The following HSD17B7 variants were observed in gnomAD, a reference collection of about 807,000 sequenced individuals.
HSD17B7 encodes 3-keto-steroid reductase/17-beta-hydroxysteroid dehydrogenase 7.
A neutral mutation model predicts 34.1 loss-of-function variants in HSD17B7; 17 were observed. The ratio of observed to expected loss-of-function variants is 0.50; its 90% confidence interval spans 0.34 to 0.75. The LOEUF (loss-of-function observed/expected upper bound fraction) is 0.75, where lower values mean the gene tolerates loss of function less well. HSD17B7 is among the 30% of genes least tolerant of loss of function. The pLI, the probability that HSD17B7 is intolerant of heterozygous loss-of-function variation, is 0.01. For synonymous variants in HSD17B7, 122 were observed against 154.6 expected, an observed-to-expected ratio of 0.79 and a Z score of 1.56; for missense variants, 296 against 406.6, an observed-to-expected ratio of 0.73 and a Z score of 2.34.
At chr1:162,800,677 C>T (rs983707806) in intron 5 of HSD17B7, among the ~76,000 whole-genome samples, 2 of 152,190 alleles carry the variant, frequency 1.3e-5, no homozygotes, top group South Asian at 2.1e-4. Flanking sequence ...CTCCAGTCTT[C>T]GCCTTGGACA....
At chr1:162,809,420 C>T (rs572969733) in intron 8 of HSD17B7, among the ~76,000 whole-genome samples, 6 of 152,220 alleles carry the variant, frequency 3.9e-5, no homozygotes, top group South Asian at 4.2e-4. Context: ...GGATATTGGT[C>T]TAAAATTCTC....
Position 162,799,876 on chromosome 1 carries a change from G to A in HSD17B7, c.581G>A (p.Ser194Asn), listed in dbSNP as rs756195832. The A allele has an allele frequency of 3.7e-6, 6 of 1,613,980 alleles. No homozygotes were observed. In the East Asian group the frequency reaches 1.3e-4, roughly 36 times the overall value. Residue 194 changes from serine (S) to asparagine (N), a missense_variant, in exon 5 of 9, where the codon AGC (serine) becomes AAC (asparagine). Transcript: ENST00000254521. ...FQHSKGKEPYSSSKYATDLLS... is the reference protein window; with the variant it reads ...FQHSKGKEPYNSSKYATDLLS... ...CACAGCAAAGGCAAGGAACCCTACAGCTCTTCCAAATATGCCACTGACCTT... is the reference window on the plus strand; with the variant it reads ...CACAGCAAAGGCAAGGAACCCTACAACTCTTCCAAATATGCCACTGACCTT...
rs542512083 is a variant in HSD17B7 at position 162,801,603 on chromosome 1, G to A, written c.642+1666G>A. Among the ~76,000 whole-genome samples the A allele has an allele frequency of 7.9e-5, 12 of 152,256 alleles. No homozygotes were observed. In the East Asian group the frequency reaches 1.9e-3, roughly 24 times the overall value. On this transcript the variant is annotated intron_variant, in intron 5 of 8. Coordinates refer to ENST00000254521, the MANE Select transcript of HSD17B7 (RefSeq NM_016371.4). ...GTAGCATGTTCATATGTACATGTAC[G>A]GGTTTTATGGGTGTGTGCACATGTG...
rs1165635989 is a variant in HSD17B7, at chr1:162,812,753, A to G, written c.*333A>G. The G allele has an allele frequency of 1.2e-5, 2 of 163,922 alleles. No homozygotes were observed. The highest frequency in any genetic ancestry group is 1.3e-5 in the Non-Finnish European group (1 of 75,284). 10.2% of individuals were successfully genotyped at this position (163,922 alleles called of 1,614,324 possible). ...CTGGAACATTGCATACCTTCTGTAC[A>G]TTCTGGGGTACATGGATTTCTACTG... On this transcript the variant is annotated 3_prime_UTR_variant, in exon 9 of 9. Coordinates refer to ENST00000254521, the MANE Select transcript of HSD17B7 (RefSeq NM_016371.4).
intron 8 of HSD17B7, among the ~76,000 whole-genome samples, chr1:162,811,949 G>A (rs1219164441): frequency 1.3e-5 from 2 of 152,210 alleles, no homozygotes; most frequent in Non-Finnish European, 2.9e-5. Flanking sequence ...TAGGAAGTGA[G>A]TAGCCATTAA....
intron 2 of HSD17B7, 129 bp downstream of exon 2, chr1:162,792,991 T>C (rs1296604602): frequency 3.6e-6 from 3 of 827,822 alleles, no homozygotes; most frequent in Non-Finnish European, 3.8e-6. Flanking sequence ...AGGAAGTCTG[T>C]ATAGGGTGAC....
intron 3 of HSD17B7, chr1:162,797,335 T>A (rs1244264760): frequency 6.3e-6 from 1 of 159,652 alleles, no homozygotes; most frequent in African/African-American, 2.4e-5. Context: ...TTTGACCTAC[T>A]AAATTGACCT....
intron 2 of HSD17B7, chr1:162,795,768 A>G (rs1648579468): frequency 2.3e-6 from 1 of 426,232 alleles, no homozygotes; most frequent in South Asian, 1.7e-5. Context: ...CTGAATATTT[A>G]TGGTGTCTGT....
In HSD17B7 at chr1:162,792,590, C is replaced by T. The variant is rs540992397; in HGVS notation, c.36-69C>T. ...GTCAACTTGACACAGTTTTCTGAAC[C>T]AGAGAGAAATGCCTGTACCTGATGC... On this transcript the variant is annotated intron_variant, in intron 1 of 8. Coordinates refer to ENST00000254521, the MANE Select transcript of HSD17B7 (RefSeq NM_016371.4). 5.8e-6 allele frequency: 9 copies of T among 1,546,340 alleles called. No individual in the cohort carries two copies. In the African/African-American group the frequency reaches 1.1e-4, roughly 19 times the overall value.
Position 162,792,871 on chromosome 1 carries a change from C to G in HSD17B7, c.239+9C>G. ...AAGGAACTTAAGCAAAGGTATATCT[C>G]TTGCTGATGGATTTTTTTTCTCATG... On this transcript the variant is annotated intron_variant, in intron 2 of 8. Coordinates refer to ENST00000254521, the MANE Select transcript of HSD17B7 (RefSeq NM_016371.4). 1 of 1,612,930 alleles carries G rather than the reference C, an allele frequency of 6.2e-7. No individual in the cohort carries two copies. The highest frequency in any genetic ancestry group is 8.5e-7 in the Non-Finnish European group (1 of 1,178,962).
Position 162,793,732 on chromosome 1 carries a change from A to G in HSD17B7, c.239+870A>G, listed in dbSNP as rs534865774. 3.3e-4 allele frequency among the ~76,000 whole-genome samples: 50 copies of G among 152,350 alleles called. No homozygotes were observed. The South Asian group carries it at 0.01, about 32-fold the overall frequency. On this transcript the variant is annotated intron_variant, in intron 2 of 8. Coordinates refer to ENST00000254521, the MANE Select transcript of HSD17B7 (RefSeq NM_016371.4). ...TTTTACATCTTTCTTCACATAATGA[A>G]TTCATTAAGTAGATAAGGCAAGTAG...
chr1:162,809,072 T>G (rs1319410523), intron 8 of HSD17B7, among the ~76,000 whole-genome samples: 1 of 152,216 alleles, frequency 6.6e-6, no homozygotes, highest in Non-Finnish European at 1.5e-5. Flanking sequence ...TGCTTCTAGT[T>G]TTTGCCCATT....
At chr1:162,791,658 C>CT (rs1403861545) in intron 1 of HSD17B7, among the ~76,000 whole-genome samples, 5 of 149,206 alleles carry the variant, frequency 3.4e-5, no homozygotes, top group Non-Finnish European at 7.4e-5. Flanking sequence ...AGCATACCCT[C>CT]TCAAGTGACT....
intron 3 of HSD17B7, 26 bp from the exon 4 acceptor site, chr1:162,797,776 C>T: frequency 4.4e-6 from 7 of 1,598,900 alleles, no homozygotes; most frequent in Non-Finnish European, 6.0e-6. Flanking sequence ...TTTAAAAAGT[C>T]ATGCAATTAT....
chr1:162,798,224 C>T (rs1648685284), intron 4 of HSD17B7: 1 of 320,054 alleles, frequency 3.1e-6, no homozygotes, highest in Admixed American at 4.7e-5. Flanking sequence ...TGGTATGATG[C>T]ATTTGTCAAA....
At chr1:162,793,588 T>C (rs1648493578) in intron 2 of HSD17B7, among the ~76,000 whole-genome samples, 1 of 152,228 alleles carries the variant, frequency 6.6e-6, no homozygotes, top group Non-Finnish European at 1.5e-5. Flanking sequence ...CAGTACCACA[T>C]TTTCAATCTC....
At chr1:162,797,608 G>T (rs1648660135) in intron 3 of HSD17B7, 194 bp from the exon 4 acceptor site, 2 of 597,206 alleles carry the variant, frequency 3.3e-6, no homozygotes, top group South Asian at 5.6e-5. Flanking sequence ...CTGTGAATTA[G>T]TGGGGGGAAG....
In HSD17B7 at chr1:162,805,383, T is replaced by C; in HGVS notation, c.805-11T>C. The C allele has an allele frequency of 6.2e-7, 1 of 1,612,314 alleles. No individual in the cohort carries two copies. The highest frequency in any genetic ancestry group is 8.5e-7 in the Non-Finnish European group (1 of 1,178,924). On this transcript the variant is annotated splice_polypyrimidine_tract_variant and intron_variant, in intron 7 of 8. Transcript: ENST00000254521. ...GAAGAAACAAATCATTGACACATCCTTCCTTTCCAGGTATGGCTTTTCCAC... is the reference window on the plus strand; with the variant it reads ...GAAGAAACAAATCATTGACACATCCCTCCTTTCCAGGTATGGCTTTTCCAC...
At chr1:162,809,544 G>T (rs1380449343) in intron 8 of HSD17B7, among the ~76,000 whole-genome samples, 2 of 146,558 alleles carry the variant, frequency 1.4e-5, no homozygotes, top group African/African-American at 5.4e-5. Flanking sequence ...AGAAGGAATG[G>T]TACCATCTCC....
Sources: allele counts gnomAD v4.1 joint callset (sites outside exome capture counted in the v4.1 genomes callset), GRCh38; gene constraint gnomAD v4.1.1; transcripts MANE v1.5; gene names NCBI Gene and HGNC (gene_info 2026-07-23, HGNC 2026-07-21).